Variants in SORCS1 observed in about 807,000 individuals in gnomAD.
SORCS1 encodes the protein VPS10 domain-containing receptor SorCS1.
In SORCS1, 60 loss-of-function variants were observed where a neutral mutation model predicts 146.1. The observed-to-expected ratio is 0.41, with a 90% confidence interval of 0.33 to 0.51. SORCS1 has a LOEUF of 0.51. SORCS1 is among the 20% of genes least tolerant of loss of function. SORCS1 has a pLI of 0.21. For missense variants in SORCS1, 1,352 were observed against 1,487.6 expected, an observed-to-expected ratio of 0.91 and a Z score of 1.50; for synonymous variants, 637 against 584.0, an observed-to-expected ratio of 1.09 and a Z score of -1.31.
At chr10:107,022,138 G>T (rs1000608212) in intron 1 of SORCS1, among the ~76,000 whole-genome samples, 1 of 152,104 alleles carries the variant, frequency 6.6e-6, no homozygotes, top group Non-Finnish European at 1.5e-5. Context: ...GAATACGGAG[G>T]TTTCAGAACC....
the SORCS1 span, among the ~76,000 whole-genome samples, chr10:107,177,628 G>T: frequency 6.6e-6 from 1 of 152,034 alleles, no homozygotes; most frequent in East Asian, 1.9e-4. Context: ...TTTATATATT[G>T]TGCCTATTTA....
In SORCS1 at chr10:107,164,275, G is replaced by A; in HGVS notation, c.252C>T (p.Asp84=). The change falls in exon 1 of 26, where the codon GAC becomes GAT. Residue 84 remains aspartate (D), a synonymous_variant. Transcript: ENST00000263054. The surrounding 1 kb of genome is among the most constrained non-coding windows in gnomAD (Gnocchi z 6.8). ...GAGCCCGCTCCAGGGATAGCGCTCGGTCCCCGGGGGCCACTGAGAACAGGG... is the reference window on the plus strand; with the variant it reads ...GAGCCCGCTCCAGGGATAGCGCTCGATCCCCGGGGGCCACTGAGAACAGGG... ...VRPLFSVAPG[D]RALSLERARG... is the part of the protein sequence containing the mutation. 6.3e-7 allele frequency: 1 copy of A among 1,599,726 alleles called. No individual in the cohort carries two copies. Among genetic ancestry groups the A allele is most frequent in the South Asian group, 1.1e-5 (1 of 90,272 alleles).
intron 5 of SORCS1, among the ~76,000 whole-genome samples, chr10:106,731,739 GAT>G (rs1386898775): frequency 6.6e-6 from 1 of 151,982 alleles, no homozygotes; most frequent in Non-Finnish European, 1.5e-5. Context: ...AAATACAAAA[GAT>G]ACACACACAG....
intron 1 of SORCS1, among the ~76,000 whole-genome samples, chr10:107,012,136 T>C (rs1279415687): frequency 1.3e-5 from 2 of 152,224 alleles, no homozygotes; most frequent in African/African-American, 4.8e-5. Flanking sequence ...TGTCTAAGAC[T>C]GAAACAGGGA....
intron 2 of SORCS1, among the ~76,000 whole-genome samples, chr10:106,953,161 G>C (rs1312379036): frequency 6.6e-6 from 1 of 151,590 alleles, no homozygotes; most frequent in Non-Finnish European, 1.5e-5. Flanking sequence ...GTGTGTGTGT[G>C]TGTGTGTGTG....
intron 2 of SORCS1, among the ~76,000 whole-genome samples, chr10:106,931,533 A>G (rs941550987): frequency 1.3e-5 from 2 of 152,192 alleles, no homozygotes; most frequent in African/African-American, 4.8e-5. Flanking sequence ...GAAAGCTGGC[A>G]ATCTCCCCAA....
intron 2 of SORCS1, among the ~76,000 whole-genome samples, chr10:106,866,219 A>C (rs1440048211): frequency 6.6e-6 from 1 of 151,964 alleles, no homozygotes; most frequent in Non-Finnish European, 1.5e-5. Context: ...CCCTCCAACA[A>C]ACAAAAGAGC....
At chr10:106,604,978 C>T (rs911571482) in intron 23 of SORCS1, among the ~76,000 whole-genome samples, 10 of 152,296 alleles carry the variant, frequency 6.6e-5, no homozygotes, top group African/African-American at 1.4e-4. Flanking sequence ...CTTTCCTCAT[C>T]GGTAAAATGG....
At chr10:106,666,666 C>T (rs577148374) in intron 17 of SORCS1, among the ~76,000 whole-genome samples, 25 of 151,202 alleles carry the variant, frequency 1.7e-4, no homozygotes, top group African/African-American at 5.8e-4. Context: ...AAGTGATTTT[C>T]CTGCCTCAGC....
intron 2 of SORCS1, among the ~76,000 whole-genome samples, chr10:106,883,342 C>T (rs191939528): frequency 9.9e-5 from 15 of 152,164 alleles, no homozygotes; most frequent in Admixed American, 2.0e-4. Flanking sequence ...GCAGATTCTA[C>T]GCCATGCTCA....
chr10:106,645,403 G>A (rs183832412), intron 18 of SORCS1, among the ~76,000 whole-genome samples: 1 of 152,180 alleles, frequency 6.6e-6, no homozygotes, highest in African/African-American at 2.4e-5. Flanking sequence ...ATGTTGGCCA[G>A]GCTGGTCTTG....
intron 1 of SORCS1, among the ~76,000 whole-genome samples, chr10:107,105,266 G>A (rs1483493772): frequency 6.6e-6 from 1 of 152,168 alleles, no homozygotes; most frequent in Non-Finnish European, 1.5e-5. Flanking sequence ...GTTAAGATAT[G>A]AAAGGCAAGT....
intron 2 of SORCS1, among the ~76,000 whole-genome samples, chr10:106,949,964 T>C (rs1475872451): frequency 1.3e-5 from 2 of 152,208 alleles, no homozygotes; most frequent in African/African-American, 4.8e-5. Flanking sequence ...AAAAGATGAA[T>C]ATATTTCTTC....
intron 2 of SORCS1, among the ~76,000 whole-genome samples, chr10:106,898,903 A>G (rs1951590901): frequency 6.6e-6 from 1 of 152,104 alleles, no homozygotes; most frequent in African/African-American, 2.4e-5. Flanking sequence ...AAGTAAAGGA[A>G]CTCACTGCCT....
intron 17 of SORCS1, among the ~76,000 whole-genome samples, chr10:106,654,233 T>C (rs534372960): frequency 2.3e-4 from 35 of 152,342 alleles, no homozygotes; most frequent in Admixed American, 2.0e-3. Flanking sequence ...CTAAGTTCTT[T>C]ACATAAATTA....
chr10:106,968,304 C>G (rs1955606814), intron 1 of SORCS1, among the ~76,000 whole-genome samples: 1 of 152,194 alleles, frequency 6.6e-6, no homozygotes, highest in Non-Finnish European at 1.5e-5. Flanking sequence ...TGGAGAAATT[C>G]TCTTCCAACT....
chr10:107,075,912 T>C (rs1392106556), intron 1 of SORCS1, among the ~76,000 whole-genome samples: 1 of 152,120 alleles, frequency 6.6e-6, no homozygotes, highest in African/African-American at 2.4e-5. Context: ...ATTTTATTAT[T>C]GTCACCAGCC....
At chr10:106,809,291 T>C (rs535002276) in intron 3 of SORCS1, among the ~76,000 whole-genome samples, 3 of 152,258 alleles carry the variant, frequency 2.0e-5, no homozygotes, top group Admixed American at 2.0e-4. Flanking sequence ...GAAATGAAGT[T>C]GACCTTGGGC....
intron 4 of SORCS1, among the ~76,000 whole-genome samples, chr10:106,772,555 C>T (rs1347336772): frequency 3.3e-5 from 5 of 151,968 alleles, no homozygotes; most frequent in South Asian, 2.1e-4. Context: ...AATAATACAA[C>T]CACCTAGATG....
Sources: gnomAD v4.1 joint callset for allele counts (sites outside exome capture counted in the v4.1 genomes callset) on GRCh38, gnomAD v4.1.1 for gene constraint, Gnocchi (gnomAD v3.1) non-coding constraint, MANE v1.5 for transcripts, NCBI Gene and HGNC (gene_info 2026-07-23, HGNC 2026-07-21) for gene names.